MPP1: variants seen among roughly 807,000 people sequenced by gnomAD.
The protein encoded by MPP1 is MAGUK p55 scaffold protein 1.
In MPP1, 6 loss-of-function variants were observed where a neutral mutation model predicts 38.2. That is an observed-to-expected ratio of 0.16 (90% CI 0.09 to 0.31). The LOEUF is 0.31. Ranked by LOEUF, MPP1 falls within the 10% of genes least tolerant of loss-of-function variation. MPP1 has a pLI of 1.00. For synonymous variants in MPP1, 153 were observed against 146.3 expected (o/e 1.05, Z -0.33); for missense variants, 293 against 368.9 (o/e 0.79, Z 1.69).
chrX:154,790,530 C>CAA (rs782132001), intron 4 of MPP1, among the ~76,000 whole-genome samples: 3 of 48,274 alleles, frequency 6.2e-5, no homozygotes, highest in African/African-American at 7.8e-5. Flanking sequence ...AACTCCATCT[C>CAA]AAAAAAAAAA....
At position 154,785,085 on chromosome X, in the gene MPP1, C is replaced by A. The variant is rs1557267066; in HGVS notation, c.750G>T (p.Lys250Asn). 1 of 1,209,436 alleles carries A rather than the reference C, an allele frequency of 8.3e-7. No individual in the cohort carries two copies. The highest frequency in any genetic ancestry group is 2.2e-5 in the Admixed American group (1 of 45,978). ...GCTTGGCCAGATATTTGTCTTTGTA[C>A]TTCTTCTTCTTCCCAAAGGGACTGC... Reference protein sequence around the residue: ...PSCSPFGKKKKYKDKYLAKHS... With the variant: ...PSCSPFGKKKNYKDKYLAKHS... Residue 250 changes from lysine to asparagine, a missense_variant, in exon 7 of 12, where the codon AAG becomes AAT. Physicochemically the swap from Lys to Asn is moderately conservative, Grantham distance 94 (BLOSUM62 0). Transcript: ENST00000369534.
chrX:154,794,202 T>C (rs925038355), intron 1 of MPP1, among the ~76,000 whole-genome samples: 4 of 111,588 alleles, frequency 3.6e-5, no homozygotes, highest in Non-Finnish European at 5.6e-5. Flanking sequence ...AACTGAAGCA[T>C]ATCCAAGTGG....
chrX:154,785,197 C>G lies in MPP1; in HGVS notation c.678-40G>C. 6 of 982,378 alleles carry G rather than the reference C, an allele frequency of 6.1e-6. No homozygotes were observed. In the South Asian group the frequency reaches 9.3e-5, roughly 15 times the overall value. The allele number at this position is 982,378 out of a possible 1,213,427, so 81.0% of individuals were successfully genotyped here. A position where few individuals can be genotyped will look rare whatever the true frequency, so the allele number is the denominator to read the frequency against. On this transcript the variant is annotated intron_variant, in intron 6 of 11. Coordinates refer to ENST00000369534, the MANE Select transcript of MPP1 (RefSeq NM_002436.4). ...CAATCAAGGGGTCAGCTTTCCTCCC[C>G]CTCCCCTCATACCCCCCCCAGCCAC... is the stretch of plus-strand genomic sequence containing the variant.
Position 154,805,275 on chromosome X carries a change from T to C in MPP1, c.99A>G (p.Pro33=), listed in dbSNP as rs1557269042. 1 of 1,201,810 alleles carries C rather than the reference T, an allele frequency of 8.3e-7. No individual in the cohort carries two copies. The change falls in exon 1 of 12, where the codon CCA becomes CCG. Residue 33 remains proline (P), a synonymous_variant. Coordinates refer to ENST00000369534, the MANE Select transcript of MPP1 (RefSeq NM_002436.4). The part of the protein sequence containing the change: ...LEHLLQKRSR[P]EAVSHPLNTV... ...GGGACTAGCGGGGCCCGCTCACCTCTGGCCGACTACGCTTCTGCAGCAAAT... is the reference window on the plus strand; with the variant it reads ...GGGACTAGCGGGGCCCGCTCACCTCCGGCCGACTACGCTTCTGCAGCAAAT...
At position 154,805,473 on chromosome X, in the gene MPP1, G is replaced by A; in HGVS notation, c.-100C>T. On this transcript the variant is annotated 5_prime_UTR_variant, in exon 1 of 12. Transcript: ENST00000369534. ...GCGGAGAAGGCGGGAGACGCGGTGC[G>A]GCTGGGCCAGTCACCGCCCCGCAGG... The A allele has an allele frequency of 2.4e-6, 2 of 841,346 alleles. No homozygotes were observed. Among genetic ancestry groups the A allele is most frequent in the African/African-American group, 2.1e-5 (1 of 48,421 alleles). 69.3% of individuals were successfully genotyped at this position (841,346 alleles called of 1,213,427 possible).
chrX:154,792,324 G>A, intron 1 of MPP1, 39 bp from the exon 2 acceptor site: 2 of 1,177,900 alleles, frequency 1.7e-6, no homozygotes, highest in Non-Finnish European at 2.3e-6. Flanking sequence ...ATGAAATCAG[G>A]AGCAAGGCCC....
intron 2 of MPP1, 49 bp from the exon 3 acceptor site, chrX:154,791,896 A>T: frequency 8.1e-6 from 9 of 1,111,960 alleles, no homozygotes; most frequent in Non-Finnish European, 1.1e-5. Flanking sequence ...GCTCTTTCTG[A>T]GGTTATTTTA....
intron 1 of MPP1, chrX:154,804,913 TCAA>T: frequency 2.7e-6 from 1 of 370,899 alleles, no homozygotes; most frequent in Middle Eastern, 4.2e-4. Flanking sequence ...CACAAGCACT[TCAA>T]CAACAACCAG....
chrX:154,786,693 G>T (rs1396622106), intron 5 of MPP1, among the ~76,000 whole-genome samples: 6 of 109,871 alleles, frequency 5.5e-5, no homozygotes, highest in Non-Finnish European at 9.5e-5. Flanking sequence ...GCTAGGAGTT[G>T]GAGACCAGCC....
chrX:154,784,962 C>T (rs782425643), intron 7 of MPP1, 89 bp downstream of exon 7: 3 of 834,135 alleles, frequency 3.6e-6, no homozygotes, highest in Non-Finnish European at 5.4e-6. Context: ...CTGCGCACTG[C>T]ACCACCTCCC....
At chrX:154,791,925 T>C in intron 2 of MPP1, 78 bp from the exon 3 acceptor site, 2 of 1,055,083 alleles carry the variant, frequency 1.9e-6, no homozygotes, top group Non-Finnish European at 2.6e-6. Context: ...TTACGGTAAT[T>C]TCTCAGGAAA....
intron 9 of MPP1, chrX:154,782,497 T>G (rs782500418): frequency 8.9e-6 from 1 of 112,186 alleles, no homozygotes; most frequent in South Asian, 3.7e-4. Context: ...GCCATCTCTT[T>G]CTGCTCCTAA....
intron 5 of MPP1, among the ~76,000 whole-genome samples, chrX:154,786,761 T>A (rs1287186413): frequency 4.6e-5 from 5 of 108,633 alleles, no homozygotes; most frequent in Non-Finnish European, 9.6e-5. Flanking sequence ...CTGGGTGTGG[T>A]GGCGTGCACC....
intron 10 of MPP1, 86 bp downstream of exon 10, chrX:154,781,514 C>A: frequency 9.8e-7 from 1 of 1,022,417 alleles, no homozygotes; most frequent in East Asian, 3.0e-5. Context: ...CAATCCTGAG[C>A]CCCCAGAAGA....
chrX:154,804,645 T>C, intron 1 of MPP1: 1 of 335,160 alleles, frequency 3.0e-6, no homozygotes, highest in Non-Finnish European at 6.0e-6. Flanking sequence ...CTCAGTGTTG[T>C]AAACCAGCGA....
In MPP1 at chrX:154,796,593, T is replaced by C. The variant is rs782795313; in HGVS notation, c.103-4308A>G. On this transcript the variant is annotated intron_variant, in intron 1 of 11. Coordinates refer to ENST00000369534, the MANE Select transcript of MPP1 (RefSeq NM_002436.4). ...TTGCCATCCCAAACAAGATCAGGGA[T>C]ATGTAAGTGAGAAGTGGGATGTTGG... Among the ~76,000 whole-genome samples the C allele has an allele frequency of 4.5e-5, 5 of 112,265 alleles. No individual in the cohort carries two copies. In the South Asian group the frequency reaches 1.1e-3, roughly 25 times the overall value.
chrX:154,787,138 ACACACACAC>A, intron 5 of MPP1, among the ~76,000 whole-genome samples: 1 of 94,260 alleles, frequency 1.1e-5, no homozygotes, highest in Middle Eastern at 5.1e-3. Flanking sequence ...ACACACACAC[ACACACACAC>A]CTACCTCATT....
In MPP1 at chrX:154,786,219, G is replaced by A. The variant is rs1187384336; in HGVS notation, c.662C>T (p.Pro221Leu). ...AATGGCTCACCATTCCTGCAGCTCA[G>A]GGGAAGGGATCAATCCTGCTGACTC... ...SKESAGLIPS[P>L]ELQEWRVASM... The change falls in exon 6 of 12, where the codon CCT becomes CTT. Residue 221 changes from proline (P) to leucine (L), a missense_variant. Coordinates refer to ENST00000369534, the MANE Select transcript of MPP1 (RefSeq NM_002436.4). The A allele has an allele frequency of 1.4e-5, 17 of 1,208,872 alleles. No homozygotes were observed. In the Admixed American group the frequency reaches 3.5e-4, roughly 25 times the overall value.
At chrX:154,783,143 T>C (rs1557266798) in intron 9 of MPP1, 1 of 136,140 alleles carries the variant, frequency 7.3e-6, no homozygotes, top group Non-Finnish European at 1.4e-5. Context: ...ATGACAAAGT[T>C]ATATGTATAA....
Sources: allele counts gnomAD v4.1 joint callset (sites outside exome capture counted in the v4.1 genomes callset), GRCh38; gene constraint gnomAD v4.1.1; transcripts MANE v1.5; gene names NCBI Gene and HGNC (gene_info 2026-07-23, HGNC 2026-07-21).